BRD3OS: variants seen among roughly 807,000 people sequenced by gnomAD.
BRD3OS encodes uncharacterized protein BRD3OS.
chr9:134,026,715 G>A lies in BRD3OS; in HGVS notation c.-33G>A. 2 of 398,664 alleles carry A rather than the reference G, an allele frequency of 5.0e-6. No homozygotes were observed. Among genetic ancestry groups the A allele is most frequent in the Non-Finnish European group, 8.8e-6 (2 of 226,054 alleles). 24.7% of individuals were successfully genotyped at this position (398,664 alleles called of 1,614,324 possible). A position where few individuals can be genotyped will look rare whatever the true frequency, so the allele number is the denominator to read the frequency against. The stretch of plus-strand genomic sequence containing the variant: ...CGCGTGGGCCGTCTCAGAACAGCAG[G>A]GTTCCCAGGAGTCCAGCGGGACGGG... On this transcript the variant is annotated 5_prime_UTR_variant, in exon 3 of 3. Coordinates refer to ENST00000603928, the MANE Select transcript of BRD3OS (RefSeq NM_001355256.2). This position sits in a 1 kb window ranked among gnomAD's most constrained non-coding sequence, Gnocchi z 4.4.
In BRD3OS at chr9:134,030,751, A is replaced by G. The variant is rs1404673384; in HGVS notation, c.*3749A>G. 2.2e-5 allele frequency: 5 copies of G among 232,024 alleles called. No individual in the cohort carries two copies. 14.4% of individuals were successfully genotyped at this position (232,024 alleles called of 1,614,324 possible). Reference sequence around the variant, plus strand: ...AAACACACAAAAAAATGTGTCTTACAGTTTGTAAGCAAGATGACACTGCCC... The same window carrying G: ...AAACACACAAAAAAATGTGTCTTACGGTTTGTAAGCAAGATGACACTGCCC... On this transcript the variant is annotated 3_prime_UTR_variant, in exon 3 of 3. Transcript: ENST00000603928.
chr9:134,025,915 C>T lies in BRD3OS; in HGVS notation c.-716C>T, dbSNP rs1015509802. The T allele has an allele frequency of 6.6e-6, 1 of 152,256 alleles. No individual in the cohort carries two copies. Among genetic ancestry groups the T allele is most frequent in the Non-Finnish European group, 1.5e-5 (1 of 68,088 alleles). The allele number at this position is 152,256 out of a possible 1,614,324, so 9.4% of individuals were successfully genotyped here. On this transcript the variant is annotated 5_prime_UTR_variant, in exon 2 of 3. The change creates a new upstream start codon in the 5' untranslated region. Transcript: ENST00000603928. ...GGGCCCCTTCCGGTCCCGGGGCTGA[C>T]GCCTGGCGGCGTCTCCGGGAACCCG...
At position 134,030,766 on chromosome 9, in the gene BRD3OS, T is replaced by A; in HGVS notation, c.*3764T>A. On this transcript the variant is annotated 3_prime_UTR_variant, in exon 3 of 3. Coordinates refer to ENST00000603928, the MANE Select transcript of BRD3OS (RefSeq NM_001355256.2). ...TGTGTCTTACAGTTTGTAAGCAAGA[T>A]GACACTGCCCAACACAAAGAGGGGT... The A allele has an allele frequency of 4.3e-6, 1 of 231,988 alleles. No individual in the cohort carries two copies. The highest frequency in any genetic ancestry group is 8.5e-6 in the Non-Finnish European group (1 of 117,224). The allele number at this position is 231,988 out of a possible 1,614,324, so 14.4% of individuals were successfully genotyped here.
Position 134,029,059 on chromosome 9 carries a change from C to T in BRD3OS, c.*2057C>T, listed in dbSNP as rs567280079. On this transcript the variant is annotated 3_prime_UTR_variant, in exon 3 of 3. Coordinates refer to ENST00000603928, the MANE Select transcript of BRD3OS (RefSeq NM_001355256.2). ...CATGGGGCTGGAGGACCTGCCCCGC[C>T]GGCTGACACTCCCACAGCAAGGCGG... 2 of 152,362 alleles carry T rather than the reference C, an allele frequency of 1.3e-5. No individual in the cohort carries two copies. The highest frequency in any genetic ancestry group is 2.1e-4 in the South Asian group (1 of 4,828). The allele number at this position is 152,362 out of a possible 1,614,324, so 9.4% of individuals were successfully genotyped here.
chr9:134,027,246 A>G lies in BRD3OS; in HGVS notation c.*244A>G, dbSNP rs1406446919. 1 of 325,966 alleles carries G rather than the reference A, an allele frequency of 3.1e-6. No individual in the cohort carries two copies. The highest frequency in any genetic ancestry group is 2.1e-5 in the African/African-American group (1 of 47,070). 20.2% of individuals were successfully genotyped at this position (325,966 alleles called of 1,614,324 possible). ...GTCCCCTCCGTGGTCAGCTGTTGTG[A>G]CATTTGAATTCTCCAGGTGCTGCTA... On this transcript the variant is annotated 3_prime_UTR_variant, in exon 3 of 3. Transcript: ENST00000603928.
chr9:134,031,048 A>G lies in BRD3OS; in HGVS notation c.*4046A>G, dbSNP rs1235467583. On this transcript the variant is annotated 3_prime_UTR_variant, in exon 3 of 3. Coordinates refer to ENST00000603928, the MANE Select transcript of BRD3OS (RefSeq NM_001355256.2). The stretch of plus-strand genomic sequence containing the variant: ...GCTGAGGAAGTCATTAATCCTTCGA[A>G]ACTCTGAAAAGAAACCAGTGTTGAA... The G allele has an allele frequency of 4.3e-6, 1 of 230,566 alleles. No individual in the cohort carries two copies. Among genetic ancestry groups the G allele is most frequent in the Admixed American group, 5.7e-5 (1 of 17,686 alleles). The allele number at this position is 230,566 out of a possible 1,614,324, so 14.3% of individuals were successfully genotyped here.
At position 134,031,255 on chromosome 9, in the gene BRD3OS, A is replaced by C. The variant is rs1588266752; in HGVS notation, c.*4253A>C. The C allele has an allele frequency of 4.7e-6, 1 of 211,074 alleles. No individual in the cohort carries two copies. The highest frequency in any genetic ancestry group is 1.9e-4 in the South Asian group (1 of 5,294). 13.1% of individuals were successfully genotyped at this position (211,074 alleles called of 1,614,324 possible). ...ACGATGCTCCTGCTGCGCTGCCCCC[A>C]CAGCCGGCCGCTCCCCCGACGGCTC... On this transcript the variant is annotated 3_prime_UTR_variant, in exon 3 of 3. Transcript: ENST00000603928.
Position 134,027,473 on chromosome 9 carries a change from C to G in BRD3OS, c.*471C>G, listed in dbSNP as rs1843444112. On this transcript the variant is annotated 3_prime_UTR_variant, in exon 3 of 3. Transcript: ENST00000603928. Reference sequence around the variant, plus strand: ...GTATTTTGCTTTTTTGAGACGGGGTCTCACTCTGTTACCCAGGCTGGAATA... The same window carrying G: ...GTATTTTGCTTTTTTGAGACGGGGTGTCACTCTGTTACCCAGGCTGGAATA... 6.6e-6 allele frequency: 1 copy of G among 152,260 alleles called. No homozygotes were observed. Among genetic ancestry groups the G allele is most frequent in the Non-Finnish European group, 1.5e-5 (1 of 68,102 alleles). 9.4% of individuals were successfully genotyped at this position (152,260 alleles called of 1,614,324 possible).
Position 134,029,506 on chromosome 9 carries a change from C to T in BRD3OS, c.*2504C>T, listed in dbSNP as rs952364989. On this transcript the variant is annotated 3_prime_UTR_variant, in exon 3 of 3. Coordinates refer to ENST00000603928, the MANE Select transcript of BRD3OS (RefSeq NM_001355256.2). ...AGGGTCACAGTCTGGCCAGGAGTGT[C>T]ACCGTGCCCCCTGACCCCATCTGGG... 1.3e-5 allele frequency: 2 copies of T among 152,284 alleles called. No homozygotes were observed. Among genetic ancestry groups the T allele is most frequent in the Non-Finnish European group, 1.5e-5 (1 of 68,086 alleles). The allele number at this position is 152,284 out of a possible 1,614,324, so 9.4% of individuals were successfully genotyped here. A position where few individuals can be genotyped will look rare whatever the true frequency, so the allele number is the denominator to read the frequency against.
rs761721270 is a variant in BRD3OS at position 134,030,875 on chromosome 9, G to A, written c.*3873G>A. 3.5e-5 allele frequency: 8 copies of A among 231,792 alleles called. No individual in the cohort carries two copies. The highest frequency in any genetic ancestry group is 4.4e-5 in the African/African-American group (2 of 45,342). The allele number at this position is 231,792 out of a possible 1,614,324, so 14.4% of individuals were successfully genotyped here. A position where few individuals can be genotyped will look rare whatever the true frequency, so the allele number is the denominator to read the frequency against. On this transcript the variant is annotated 3_prime_UTR_variant, in exon 3 of 3. Coordinates refer to ENST00000603928, the MANE Select transcript of BRD3OS (RefSeq NM_001355256.2). ...GTTCTCAAATCCAATTCCGACACAC[G>A]ACTTGTCACTACTCCTCTCCCCTTG...
At position 134,030,822 on chromosome 9, in the gene BRD3OS, C is replaced by T. The variant is rs1208527574; in HGVS notation, c.*3820C>T. ...GTTCAGTTCACGCCCGAAGCCTGCC[C>T]CCTCGGCCTCCAGGGGTCATTCAGA... On this transcript the variant is annotated 3_prime_UTR_variant, in exon 3 of 3. Coordinates refer to ENST00000603928, the MANE Select transcript of BRD3OS (RefSeq NM_001355256.2). 8.6e-6 allele frequency: 2 copies of T among 232,438 alleles called. No individual in the cohort carries two copies. Among genetic ancestry groups the T allele is most frequent in the Non-Finnish European group, 1.7e-5 (2 of 117,654 alleles). The allele number at this position is 232,438 out of a possible 1,614,324, so 14.4% of individuals were successfully genotyped here.
chr9:134,026,604 A>T lies in BRD3OS; in HGVS notation c.-144A>T. The T allele has an allele frequency of 2.5e-6, 1 of 394,944 alleles. No individual in the cohort carries two copies. Among genetic ancestry groups the T allele is most frequent in the Non-Finnish European group, 4.5e-6 (1 of 224,306 alleles). The allele number at this position is 394,944 out of a possible 1,614,324, so 24.5% of individuals were successfully genotyped here. The stretch of plus-strand genomic sequence containing the variant: ...ACCCTCCTGAGGACGTTGCCTGCAA[A>T]TGGGCGGAATTCCTAATTTCTACCA... On this transcript the variant is annotated 5_prime_UTR_variant, in exon 3 of 3. An upstream start codon of the reference 5' UTR is lost. Coordinates refer to ENST00000603928, the MANE Select transcript of BRD3OS (RefSeq NM_001355256.2). This position sits in a 1 kb window ranked among gnomAD's most constrained non-coding sequence, Gnocchi z 4.4.
rs1426778212 is a variant in BRD3OS at position 134,030,216 on chromosome 9, C to T, written c.*3214C>T. ...GTGGACCAGTGAAGGCTGTTCCAGA[C>T]CAGGTGCTTCCAGACATTTCCAGGC... On this transcript the variant is annotated 3_prime_UTR_variant, in exon 3 of 3. Coordinates refer to ENST00000603928, the MANE Select transcript of BRD3OS (RefSeq NM_001355256.2). 1 of 157,100 alleles carries T rather than the reference C, an allele frequency of 6.4e-6. No individual in the cohort carries two copies. The allele number at this position is 157,100 out of a possible 1,614,324, so 9.7% of individuals were successfully genotyped here. A position where few individuals can be genotyped will look rare whatever the true frequency, so the allele number is the denominator to read the frequency against.
In BRD3OS at chr9:134,026,849, G is replaced by A; in HGVS notation, c.102G>A (p.Gln34=). Residue 34 remains glutamine (Q), a synonymous_variant, in exon 3 of 3, where the codon CAG becomes CAA. Transcript: ENST00000603928. This position sits in a 1 kb window ranked among gnomAD's most constrained non-coding sequence, Gnocchi z 4.4. ...TSLLIWQQQQ[Q]KLESVPPGTY... is the part of the protein sequence containing the mutation. ...TGCTCATCTGGCAGCAGCAACAGCA[G>A]AAGTTGGAGTCGGTGCCACCTGGGA... 1 of 399,000 alleles carries A rather than the reference G, an allele frequency of 2.5e-6. No homozygotes were observed. Among genetic ancestry groups the A allele is most frequent in the East Asian group, 3.6e-5 (1 of 28,084 alleles). 24.7% of individuals were successfully genotyped at this position (399,000 alleles called of 1,614,324 possible).
rs1034991052 is a variant in BRD3OS, at chr9:134,031,134, G to A, written c.*4132G>A. ...AATGCAGCTGCTCAGTGTACCCGCC[G>A]TGGGCTGTCAGGGTCAGTGGCTTCT... On this transcript the variant is annotated 3_prime_UTR_variant, in exon 3 of 3. Transcript: ENST00000603928. 3.5e-5 allele frequency: 8 copies of A among 227,858 alleles called. No homozygotes were observed. Among genetic ancestry groups the A allele is most frequent in the Middle Eastern group, 1.3e-3 (1 of 754 alleles). 14.1% of individuals were successfully genotyped at this position (227,858 alleles called of 1,614,324 possible).
chr9:134,027,085 A>G lies in BRD3OS; in HGVS notation c.*83A>G, dbSNP rs751575668. 2.3e-5 allele frequency: 9 copies of G among 397,930 alleles called. No homozygotes were observed. The highest frequency in any genetic ancestry group is 1.2e-4 in the African/African-American group (6 of 48,630). The allele number at this position is 397,930 out of a possible 1,614,324, so 24.6% of individuals were successfully genotyped here. ...CATTCAGTTGTCTTGTTGATTTCCA[A>G]TCCTTGCTGGAAGATTTTGAATAAT... On this transcript the variant is annotated 3_prime_UTR_variant, in exon 3 of 3. Coordinates refer to ENST00000603928, the MANE Select transcript of BRD3OS (RefSeq NM_001355256.2).
chr9:134,030,827 G>A lies in BRD3OS; in HGVS notation c.*3825G>A, dbSNP rs186371263. On this transcript the variant is annotated 3_prime_UTR_variant, in exon 3 of 3. Transcript: ENST00000603928. ...GTTCACGCCCGAAGCCTGCCCCCTC[G>A]GCCTCCAGGGGTCATTCAGAGTGTT... 10 of 232,060 alleles carry A rather than the reference G, an allele frequency of 4.3e-5. No individual in the cohort carries two copies. Among genetic ancestry groups the A allele is most frequent in the East Asian group, 3.1e-4 (5 of 16,330 alleles). The allele number at this position is 232,060 out of a possible 1,614,324, so 14.4% of individuals were successfully genotyped here.
chr9:134,027,037 T>C lies in BRD3OS; in HGVS notation c.*35T>C, dbSNP rs1843437979. 3 of 398,674 alleles carry C rather than the reference T, an allele frequency of 7.5e-6. No homozygotes were observed. Among genetic ancestry groups the C allele is most frequent in the Non-Finnish European group, 1.3e-5 (3 of 226,046 alleles). The allele number at this position is 398,674 out of a possible 1,614,324, so 24.7% of individuals were successfully genotyped here. A position where few individuals can be genotyped will look rare whatever the true frequency, so the allele number is the denominator to read the frequency against. On this transcript the variant is annotated 3_prime_UTR_variant, in exon 3 of 3. Transcript: ENST00000603928. ...GAGCACCTGAACCCAGGACCACACT[T>C]TGAGGAAAACAGACCTGAGTTTCAT... is the stretch of plus-strand genomic sequence containing the variant.
In BRD3OS at chr9:134,027,055, A is replaced by C. The variant is rs1256115095; in HGVS notation, c.*53A>C. 1 of 398,472 alleles carries C rather than the reference A, an allele frequency of 2.5e-6. No individual in the cohort carries two copies. The highest frequency in any genetic ancestry group is 4.4e-6 in the Non-Finnish European group (1 of 226,024). The allele number at this position is 398,472 out of a possible 1,614,324, so 24.7% of individuals were successfully genotyped here. A position where few individuals can be genotyped will look rare whatever the true frequency, so the allele number is the denominator to read the frequency against. ...CCACACTTTGAGGAAAACAGACCTGAGTTTCATTCAGTTGTCTTGTTGATT... is the reference window on the plus strand; with the variant it reads ...CCACACTTTGAGGAAAACAGACCTGCGTTTCATTCAGTTGTCTTGTTGATT... On this transcript the variant is annotated 3_prime_UTR_variant, in exon 3 of 3. Coordinates refer to ENST00000603928, the MANE Select transcript of BRD3OS (RefSeq NM_001355256.2).
Sources: gnomAD v4.1 joint callset for allele counts on GRCh38, gnomAD v4.1.1 for gene constraint, Gnocchi (gnomAD v3.1) non-coding constraint, MANE v1.5 for transcripts, NCBI Gene and HGNC (gene_info 2026-07-23, HGNC 2026-07-21) for gene names.